Variants in C4orf50 observed in about 807,000 individuals in gnomAD.
C4orf50 encodes the protein uncharacterized protein C4orf50.
C4orf50 carries 80 observed loss-of-function variants against 77.2 expected under a neutral mutation model. That is an observed-to-expected ratio of 1.04 (90% CI 0.87 to 1.25). C4orf50 has a LOEUF of 1.25. C4orf50 is among the 50% of genes most tolerant of loss of function. The pLI is 0.00. For synonymous variants in C4orf50, 532 were observed against 465.3 expected, an observed-to-expected ratio of 1.14 and a Z score of -1.84; for missense variants, 1,257 against 1,152.9, an observed-to-expected ratio of 1.09 and a Z score of -1.31.
At chr4:5,975,033 G>C (rs1720171876) in intron 30 of C4orf50, among the ~76,000 whole-genome samples, 1 of 151,206 alleles carries the variant, frequency 6.6e-6, no homozygotes, top group African/African-American at 2.4e-5. Context: ...CCAGCTACTT[G>C]GGAGGCTGAG....
chr4:5,910,560 A>C (rs773025037), intron 7 of C4orf50, among the ~76,000 whole-genome samples: 1 of 152,192 alleles, frequency 6.6e-6, no homozygotes, highest in Non-Finnish European at 1.5e-5. Context: ...GTCCTTGTAT[A>C]ATCAGTTGAG....
At position 6,007,540 on chromosome 4, in the gene C4orf50, T is replaced by C. The variant is rs1722294503; in HGVS notation, c.963+456A>G. ...AAGTGTGAAAAATAAGTTTCTGTTA[T>C]TTATAAGCCACCATCTATGGTATTT... On this transcript the variant is annotated intron_variant, in intron 25 of 33. Transcript: ENST00000531445. The surrounding 1 kb of genome is among the most constrained non-coding windows in gnomAD (Gnocchi z 4.1). Among the ~76,000 whole-genome samples the C allele has an allele frequency of 6.6e-6, 1 of 152,120 alleles. No individual in the cohort carries two copies. The highest frequency in any genetic ancestry group is 1.5e-5 in the Non-Finnish European group (1 of 68,028).
chr4:5,935,470 C>G (rs546752492), intron 7 of C4orf50, among the ~76,000 whole-genome samples: 132 of 152,300 alleles, frequency 8.7e-4, no homozygotes, highest in Non-Finnish European at 1.6e-3. Flanking sequence ...GGGGCTGATG[C>G]TGAAACACAC....
At chr4:6,005,806 T>G (rs1397376212) in intron 25 of C4orf50, among the ~76,000 whole-genome samples, 1 of 151,746 alleles carries the variant, frequency 6.6e-6, no homozygotes, top group Non-Finnish European at 1.5e-5. Flanking sequence ...TAGCTATTTC[T>G]GAGAAGTGCG....
intron 32 of C4orf50, 69 bp from the exon 11 acceptor site, chr4:5,965,214 C>T (rs1217543084): frequency 1.3e-6 from 2 of 1,512,974 alleles, no homozygotes; most frequent in Non-Finnish European, 1.8e-6. Flanking sequence ...AGTGTCTGAG[C>T]CTTGTCATAA....
intron 7 of C4orf50, chr4:5,902,985 G>A (rs963644187): frequency 5.9e-5 from 9 of 152,258 alleles, no homozygotes; most frequent in Admixed American, 2.6e-4. Flanking sequence ...GTGAGACCTC[G>A]GGCCCCAGCC....
intron 7 of C4orf50, chr4:5,923,254 G>A (rs1717361120): frequency 6.5e-6 from 1 of 154,330 alleles, no homozygotes; most frequent in South Asian, 2.0e-4. Context: ...CAGCTAAAGG[G>A]TGGTAGAGTT....
exon 31 of C4orf50, chr4:5,973,672 G>A (rs376477354): frequency 2.8e-5 from 45 of 1,612,748 alleles, no homozygotes; most frequent in East Asian, 1.3e-4. Context: ...TGGGACTCCC[G>A]GAGCCAGGAA....
chr4:6,005,277 A>C (rs73795161), intron 25 of C4orf50, among the ~76,000 whole-genome samples: 1 of 152,082 alleles, frequency 6.6e-6, no homozygotes. Flanking sequence ...TTGATGGGCA[A>C]TTTAGGGAGC....
At chr4:5,904,092 C>T (rs1374460337) in intron 7 of C4orf50, 2 of 152,246 alleles carry the variant, frequency 1.3e-5, no homozygotes, top group Non-Finnish European at 2.9e-5. Flanking sequence ...CAGTCACCAC[C>T]CACTGTCTCA....
At chr4:5,927,001 G>A (rs1295180604) in intron 7 of C4orf50, among the ~76,000 whole-genome samples, 1 of 152,192 alleles carries the variant, frequency 6.6e-6, no homozygotes, top group African/African-American at 2.4e-5. Context: ...AAGACAGACA[G>A]GGAGTGTTCT....
intron 7 of C4orf50, among the ~76,000 whole-genome samples, chr4:5,926,726 A>G (rs2108741982): frequency 6.6e-6 from 1 of 152,228 alleles, no homozygotes; most frequent in South Asian, 2.1e-4. Context: ...AGTGGTGGAA[A>G]TAAACCAGGC....
At chr4:6,016,989 G>T (rs1008891518) in intron 23 of C4orf50, among the ~76,000 whole-genome samples, 1 of 152,172 alleles carries the variant, frequency 6.6e-6, no homozygotes, top group African/African-American at 2.4e-5. Flanking sequence ...TCCATGCTGG[G>T]TTTCGCTGAT....
chr4:6,014,130 G>A (rs1722596898), intron 23 of C4orf50, among the ~76,000 whole-genome samples: 1 of 151,892 alleles, frequency 6.6e-6, no homozygotes, highest in African/African-American at 2.4e-5. Context: ...AGCCTCCCGA[G>A]TAGCTGGGAT....
intron 7 of C4orf50, among the ~76,000 whole-genome samples, chr4:5,929,524 T>A (rs1306288454): frequency 1.3e-5 from 2 of 152,238 alleles, no homozygotes; most frequent in South Asian, 2.1e-4. Context: ...AAGTGAATTG[T>A]GTTTTAATAA....
At chr4:5,988,889 T>G in exon 28 of C4orf50, 1 of 1,536,050 alleles carries the variant, frequency 6.5e-7, no homozygotes, top group Non-Finnish European at 8.7e-7. Context: ...AGCTTCCAGT[T>G]TTCCAGGGTG....
chr4:5,971,854 A>C (rs1012477660), intron 31 of C4orf50, among the ~76,000 whole-genome samples: 7 of 152,058 alleles, frequency 4.6e-5, no homozygotes, highest in African/African-American at 1.7e-4. Context: ...TGAACATTTC[A>C]ATTCTAGTTC....
At chr4:5,965,256 T>G in intron 32 of C4orf50, 111 bp from the exon 11 acceptor site, 1 of 1,160,524 alleles carries the variant, frequency 8.6e-7, no homozygotes, top group Non-Finnish European at 1.2e-6. Flanking sequence ...TCCCAGATCA[T>G]TCCCAGTTTC....
chr4:6,010,741 C>T (rs1390289336), intron 24 of C4orf50, among the ~76,000 whole-genome samples: 2 of 152,172 alleles, frequency 1.3e-5, no homozygotes, highest in Admixed American at 6.5e-5. Context: ...ATGCAGCTAC[C>T]GTGAAGTTTT....
Sources: gnomAD v4.1 joint callset for allele counts (sites outside exome capture counted in the v4.1 genomes callset) on GRCh38, gnomAD v4.1.1 for gene constraint, Gnocchi (gnomAD v3.1) non-coding constraint, MANE v1.5 for transcripts, NCBI Gene and HGNC (gene_info 2026-07-23, HGNC 2026-07-21) for gene names.